Variants in EMID1 observed in about 807,000 individuals in gnomAD.
EMID1 encodes the protein EMI domain-containing protein 1.
In EMID1, 40 loss-of-function variants were observed where a neutral mutation model predicts 60.6. The observed-to-expected ratio is 0.66, with a 90% CI of 0.51 to 0.86. The LOEUF (loss-of-function observed/expected upper bound fraction) is 0.86. Among genes scored for constraint, EMID1 ranks in the 40% least tolerant of loss-of-function variants. The pLI, the probability that EMID1 is intolerant of heterozygous loss-of-function variation, is 0.00. For missense variants in EMID1, 585 were observed against 597.1 expected (o/e 0.98, Z 0.21); for synonymous variants, 242 against 231.0 (o/e 1.05, Z -0.43).
intron 3 of EMID1, chr22:29,216,358 C>G (rs1489076925): frequency 2.0e-6 from 2 of 985,330 alleles, no homozygotes; most frequent in African/African-American, 3.5e-5. Flanking sequence ...CAGGCCTCTC[C>G]CATCCTCACT....
At chr22:29,252,779 G>A (rs530196191) in intron 13 of EMID1, among the ~76,000 whole-genome samples, 1 of 152,152 alleles carries the variant, frequency 6.6e-6, no homozygotes, top group East Asian at 1.9e-4. Flanking sequence ...AAGCAGACCC[G>A]TACTGCTAAG....
Position 29,245,704 on chromosome 22 carries a change from C to T in EMID1, c.1119+2215C>T, listed in dbSNP as rs578247393. Among the ~76,000 whole-genome samples, 196 of 152,332 alleles carry T rather than the reference C, an allele frequency of 1.3e-3. 1 individual carries two copies. Among genetic ancestry groups the T allele is most frequent in the Non-Finnish European group, 2.5e-3 (167 of 68,022 alleles). ...GCTTGCAGATGCGTTCTGGCTGTGG[C>T]CCAGCAGTGACACCTGGTGGTCATG... On this transcript the variant is annotated intron_variant, in intron 13 of 14. Transcript: ENST00000334018.
At chr22:29,225,268 A>G in intron 4 of EMID1, 52 bp downstream of exon 4, 1 of 1,582,316 alleles carries the variant, frequency 6.3e-7, no homozygotes. Context: ...GGAGCCCTGG[A>G]GGGGGCTCAG....
At chr22:29,254,080 G>A in intron 13 of EMID1, 123 bp from the exon 14 acceptor site, 1 of 1,566,458 alleles carries the variant, frequency 6.4e-7, no homozygotes, top group Middle Eastern at 2.2e-4. Context: ...ATGGACCCTG[G>A]GCTGTGGCAG....
chr22:29,235,423 A>C (rs2040911486), intron 12 of EMID1, among the ~76,000 whole-genome samples: 1 of 150,474 alleles, frequency 6.6e-6, no homozygotes, highest in African/African-American at 2.4e-5. Context: ...TGTTTAGTTA[A>C]TTTATATTTA....
In EMID1 at chr22:29,212,100, T is replaced by C. The variant is rs573572633; in HGVS notation, c.102-2826T>C. Among the ~76,000 whole-genome samples the C allele has an allele frequency of 9.2e-5, 14 of 151,964 alleles. No individual in the cohort carries two copies. The South Asian group carries it at 2.9e-3, about 32-fold the overall frequency. On this transcript the variant is annotated intron_variant, in intron 1 of 14. Transcript: ENST00000334018. Reference sequence around the variant, plus strand: ...TCCCGGGTTCAAACAATTCTCCTGCTTCAGCCTCCTAAGTAGCTGGGATTA... The same window carrying C: ...TCCCGGGTTCAAACAATTCTCCTGCCTCAGCCTCCTAAGTAGCTGGGATTA...
intron 5 of EMID1, among the ~76,000 whole-genome samples, chr22:29,227,394 C>CT (rs76236151): frequency 1.4e-3 from 203 of 144,854 alleles, no homozygotes; most frequent in African/African-American, 3.2e-3. Flanking sequence ...TGCCATAAAA[C>CT]TTTTTTTTTT....
chr22:29,256,382 T>C (rs561491171), intron 14 of EMID1, among the ~76,000 whole-genome samples: 1 of 148,162 alleles, frequency 6.7e-6, no homozygotes, highest in African/African-American at 2.5e-5. Context: ...GAGAATCACT[T>C]GAACCCAAGA....
intron 13 of EMID1, among the ~76,000 whole-genome samples, chr22:29,246,584 A>G (rs1180217291): frequency 6.6e-6 from 1 of 152,134 alleles, no homozygotes; most frequent in Non-Finnish European, 1.5e-5. Flanking sequence ...AAATAGCAAA[A>G]GAGAACCAGG....
rs531576393 is a variant in EMID1, at chr22:29,259,166, G to A, written c.*222G>A. The A allele has an allele frequency of 1.1e-5, 7 of 654,834 alleles. No homozygotes were observed. The South Asian group carries it at 1.5e-4, about 14-fold the overall frequency. The allele number at this position is 654,834 out of a possible 1,614,324, so 40.6% of individuals were successfully genotyped here. On this transcript the variant is annotated 3_prime_UTR_variant, in exon 15 of 15. Transcript: ENST00000334018. The stretch of plus-strand genomic sequence containing the variant: ...GGCTTGGGCCTCAGTTTCCCTCTGT[G>A]AAGTGGGGGGAGGCAGGCCTTCAAG...
At chr22:29,246,376 G>A (rs5752890) in intron 13 of EMID1, among the ~76,000 whole-genome samples, 41,116 of 152,060 alleles carry the variant, frequency 0.27, 6,113 homozygotes, top group East Asian at 0.54. Context: ...TATTTGCAAA[G>A]AATCCCTCTG....
At chr22:29,221,456 G>A (rs1474808133) in intron 3 of EMID1, among the ~76,000 whole-genome samples, 1 of 152,088 alleles carries the variant, frequency 6.6e-6, no homozygotes, top group African/African-American at 2.4e-5. Flanking sequence ...CTCACTGCAA[G>A]CTCCGTCTCC....
chr22:29,210,398 G>A (rs2039838721), intron 1 of EMID1, among the ~76,000 whole-genome samples: 1 of 151,754 alleles, frequency 6.6e-6, no homozygotes, highest in Admixed American at 6.6e-5. Context: ...CACCATGCCT[G>A]GCTAATTTTG....
chr22:29,232,141 A>T, intron 7 of EMID1, 115 bp from the exon 8 acceptor site: 1 of 1,234,744 alleles, frequency 8.1e-7, no homozygotes, highest in Non-Finnish European at 1.2e-6. Flanking sequence ...AGGCCTGTGG[A>T]CTCCGGGGCC....
At chr22:29,253,801 A>C in intron 13 of EMID1, 16 of 547,606 alleles carry the variant, frequency 2.9e-5, no homozygotes, top group Non-Finnish European at 3.7e-5. Context: ...TAGGTGGCCA[A>C]GAGATATAGT....
chr22:29,242,743 T>A (rs988152164), intron 12 of EMID1, among the ~76,000 whole-genome samples: 1 of 152,256 alleles, frequency 6.6e-6, no homozygotes, highest in African/African-American at 2.4e-5. Context: ...TCTCTGGTTT[T>A]GCTCTTAGTC....
chr22:29,254,274 G>T lies in EMID1; in HGVS notation c.1191G>T (p.Met397Ile). ...LAERVLILET[M>I]IGLYEPELGS... ...AGAGGGTTTTAATCTTGGAAACAAT[G>T]ATTGGGCTCTATGGTGAGTAGAGAC... Residue 397 changes from methionine to isoleucine, a missense_variant, in exon 14 of 15, where the codon ATG becomes ATT. Coordinates refer to ENST00000334018, the MANE Select transcript of EMID1 (RefSeq NM_133455.4). 2 of 1,614,132 alleles carry T rather than the reference G, an allele frequency of 1.2e-6. No individual in the cohort carries two copies. Among genetic ancestry groups the T allele is most frequent in the South Asian group, 1.1e-5 (1 of 91,082 alleles).
chr22:29,231,600 C>G lies in EMID1; in HGVS notation c.594C>G (p.Val198=). 6.5e-7 allele frequency: 1 copy of G among 1,539,648 alleles called. No homozygotes were observed. Among genetic ancestry groups the G allele is most frequent in the Non-Finnish European group, 8.8e-7 (1 of 1,140,432 alleles). ...SPGDGGLQDQ[V]GAWGLPGPTG... is the part of the protein sequence containing the mutation. ...ATATGCTTTACCCCCCAGACCAAGT[C>G]GGTGCTTGGGGGCTTCCCGGGCCCA... The change falls in exon 7 of 15, where the codon GTC becomes GTG. Residue 198 remains valine (V), a synonymous_variant. Coordinates refer to ENST00000334018, the MANE Select transcript of EMID1 (RefSeq NM_133455.4).
Position 29,216,670 on chromosome 22 carries a change from G to A in EMID1, c.319+1040G>A, listed in dbSNP as rs996179153. On this transcript the variant is annotated intron_variant, in intron 3 of 14. Coordinates refer to ENST00000334018, the MANE Select transcript of EMID1 (RefSeq NM_133455.4). The stretch of plus-strand genomic sequence containing the variant: ...GGGAGATTTGCACACTTCACCTCCC[G>A]GGGACCCTCAACAGCCCAGTTCACA... The A allele has an allele frequency of 3.6e-5, 35 of 984,848 alleles. 1 individual carries two copies. Among genetic ancestry groups the A allele is most frequent in the African/African-American group, 3.3e-4 (19 of 57,214 alleles). 61.0% of individuals were successfully genotyped at this position (984,848 alleles called of 1,614,324 possible). A position where few individuals can be genotyped will look rare whatever the true frequency, so the allele number is the denominator to read the frequency against.
Sources: allele counts gnomAD v4.1 joint callset (sites outside exome capture counted in the v4.1 genomes callset), GRCh38; gene constraint gnomAD v4.1.1; transcripts MANE v1.5; gene names NCBI Gene and HGNC (gene_info 2026-07-23, HGNC 2026-07-21).